Variants in TNKS2 observed in about 807,000 individuals in gnomAD.
TNKS2 encodes tankyrase 2, also known as poly [ADP-ribose] polymerase tankyrase-2.
In TNKS2, 72 loss-of-function variants were observed where a neutral mutation model predicts 137.6. The observed-to-expected ratio is 0.52, with a 90% CI of 0.43 to 0.64. The LOEUF (loss-of-function observed/expected upper bound fraction) is 0.64, where lower values mean the gene tolerates loss of function less well. TNKS2 is among the 30% of genes least tolerant of loss of function. The probability of loss-of-function intolerance (pLI) is 0.00; values close to 1 mark genes in which losing one functional copy is unlikely to be tolerated. For missense variants in TNKS2, 1,049 were observed against 1,410.2 expected (o/e 0.74, Z 4.10); for synonymous variants, 516 against 512.1 (o/e 1.01, Z -0.10).
chr10:91,849,514 C>T lies in TNKS2; in HGVS notation c.2614C>T (p.Pro872Ser), dbSNP rs1476394565. ...GASSLEKKEV[P>S]GVDFSITQFV... is the part of the protein sequence containing the mutation. ...TTTTGGATTTTTTTATTTCCCAGTT[C>T]CAGGAGTAGATTTTAGCATAACTCA... is the stretch of plus-strand genomic sequence containing the variant. Residue 872 changes from proline (P) to serine (S), a missense_variant and splice_region_variant, in exon 20 of 27, where the codon CCA becomes TCA. This residue lies in a region of TNKS2 where 208 missense variants were observed against 231.2 expected (regional missense o/e 0.90). Coordinates refer to ENST00000371627, the MANE Select transcript of TNKS2 (RefSeq NM_025235.4). The T allele has an allele frequency of 6.2e-7, 1 of 1,607,706 alleles. No individual in the cohort carries two copies. The highest frequency in any genetic ancestry group is 8.5e-7 in the Non-Finnish European group (1 of 1,177,998).
chr10:91,820,157 G>A (rs1290020200), intron 6 of TNKS2, 124 bp downstream of exon 6: 1 of 579,786 alleles, frequency 1.7e-6, no homozygotes, highest in Non-Finnish European at 2.7e-6. Context: ...CTTTTACAAT[G>A]TACAGGTTGC....
At chr10:91,818,845 G>A (rs1315452742) in intron 3 of TNKS2, among the ~76,000 whole-genome samples, 1 of 151,982 alleles carries the variant, frequency 6.6e-6, no homozygotes, top group Non-Finnish European at 1.5e-5. Flanking sequence ...TTTTAGGTTT[G>A]GAACAAAGTT....
At chr10:91,828,143 T>C (rs1363588083) in intron 8 of TNKS2, 142 bp from the exon 9 acceptor site, 1 of 919,256 alleles carries the variant, frequency 1.1e-6, no homozygotes, top group Non-Finnish European at 1.5e-6. Flanking sequence ...GGGGTTAAAT[T>C]TGGAGAATAT....
Position 91,863,582 on chromosome 10 carries a change from T to G in TNKS2, c.*583T>G, listed in dbSNP as rs1219562894. The G allele has an allele frequency of 6.6e-6, 1 of 152,328 alleles. No individual in the cohort carries two copies. Among genetic ancestry groups the G allele is most frequent in the South Asian group, 2.1e-4 (1 of 4,836 alleles). The allele number at this position is 152,328 out of a possible 1,614,324, so 9.4% of individuals were successfully genotyped here. The stretch of plus-strand genomic sequence containing the variant: ...TCCAGAGGCTATGTTCAGTTGTTAG[T>G]TGGGAAAGATTGAGTTATCAGATTT... On this transcript the variant is annotated 3_prime_UTR_variant, in exon 27 of 27. Coordinates refer to ENST00000371627, the MANE Select transcript of TNKS2 (RefSeq NM_025235.4).
chr10:91,831,492 C>A (rs1845244620), intron 11 of TNKS2, among the ~76,000 whole-genome samples: 1 of 152,038 alleles, frequency 6.6e-6, no homozygotes, highest in African/African-American at 2.4e-5. Context: ...CTTTTCTCAC[C>A]CATATCTTCT....
rs75407459 is a variant in TNKS2, at chr10:91,805,428, C to T, written c.199+6539C>T. 1.0e-3 allele frequency among the ~76,000 whole-genome samples: 156 copies of T among 152,282 alleles called. 5 individuals are homozygous for T. The East Asian group carries it at 0.024, about 24-fold the overall frequency. ...CTTTACCCATTCTACCCATATCGAT[C>T]GCCTCAGCTAAAACTTCAGTTTCAG... On this transcript the variant is annotated intron_variant, in intron 1 of 26. Coordinates refer to ENST00000371627, the MANE Select transcript of TNKS2 (RefSeq NM_025235.4).
chr10:91,862,231 G>T, intron 26 of TNKS2, 76 bp downstream of exon 26: 1 of 1,209,676 alleles, frequency 8.3e-7, no homozygotes. Flanking sequence ...CTCTTGAATT[G>T]ACAAGACATA....
At position 91,836,896 on chromosome 10, in the gene TNKS2, TTC is replaced by T. The variant is rs528388829; in HGVS notation, c.1448-9_1448-8del. 7,367 of 1,482,214 alleles carry T rather than the reference TTC, an allele frequency of 5.0e-3. 1 individual carries two copies. Among genetic ancestry groups the T allele is most frequent in the South Asian group, 0.013 (1,025 of 78,628 alleles). The allele number at this position is 1,482,214 out of a possible 1,614,324, so 91.8% of individuals were successfully genotyped here. On this transcript the variant is annotated intron_variant, in intron 12 of 26. Transcript: ENST00000371627. ...TCTTCCAAATAGAGGTTAGTCACTC[TTC>T]TCTCTCTCTCTCTTTTTTAGAGGGT...
intron 12 of TNKS2, among the ~76,000 whole-genome samples, chr10:91,836,065 G>T (rs181190240): frequency 9.2e-6 from 1 of 108,764 alleles, no homozygotes; most frequent in East Asian, 3.0e-4. Context: ...TTTTTGAGAC[G>T]AAGTTTCACT....
At position 91,851,311 on chromosome 10, in the gene TNKS2, C is replaced by G; in HGVS notation, c.2790C>G (p.Val930=). The change falls in exon 21 of 27, where the codon GTC becomes GTG. Residue 930 remains valine (V), a synonymous_variant. Transcript: ENST00000371627. ...ATAGGCACAAACTAATTAAAGGAGT[C>G]GAGAGACTTATCTCCGGACAACAAG... ...YGHRHKLIKG[V]ERLISGQQGL... 4 of 1,607,724 alleles carry G rather than the reference C, an allele frequency of 2.5e-6. No individual in the cohort carries two copies. Among genetic ancestry groups the G allele is most frequent in the South Asian group, 2.2e-5 (2 of 89,062 alleles).
chr10:91,852,739 G>A (rs1842585611), intron 21 of TNKS2, among the ~76,000 whole-genome samples: 1 of 152,210 alleles, frequency 6.6e-6, no homozygotes, highest in Admixed American at 6.5e-5. Context: ...TTTCAGGGAA[G>A]AATGTATGCT....
intron 1 of TNKS2, among the ~76,000 whole-genome samples, chr10:91,808,048 A>G (rs1844387307): frequency 6.6e-6 from 1 of 151,438 alleles, no homozygotes; most frequent in African/African-American, 2.4e-5. Context: ...ACAAATTTTA[A>G]TAAGTGACAA....
chr10:91,858,334 T>C (rs2133683303), intron 24 of TNKS2, among the ~76,000 whole-genome samples: 1 of 152,312 alleles, frequency 6.6e-6, no homozygotes, highest in East Asian at 1.9e-4. Flanking sequence ...ATCATGATAA[T>C]CTCTTGACAC....
At position 91,838,745 on chromosome 10, in the gene TNKS2, C is replaced by A. The variant is rs560933492; in HGVS notation, c.1527+1747C>A. ...GCTTTTTACCAGGACAATGATTAAA[C>A]CCCTTGAGGTAAACCCACTGATAGT... On this transcript the variant is annotated intron_variant, in intron 13 of 26. Coordinates refer to ENST00000371627, the MANE Select transcript of TNKS2 (RefSeq NM_025235.4). Among the ~76,000 whole-genome samples the A allele has an allele frequency of 4.6e-5, 7 of 152,276 alleles. No homozygotes were observed. The South Asian group carries it at 1.4e-3, about 32-fold the overall frequency.
At chr10:91,829,066 A>C (rs1301171550) in intron 9 of TNKS2, among the ~76,000 whole-genome samples, 1 of 152,176 alleles carries the variant, frequency 6.6e-6, no homozygotes, top group African/African-American at 2.4e-5. Flanking sequence ...AAGAAAGTAA[A>C]TCCTGTTGCG....
rs74151744 is a variant in TNKS2 at position 91,824,898 on chromosome 10, A to G, written c.796-2119A>G. Among the ~76,000 whole-genome samples the G allele has an allele frequency of 3.6e-3, 544 of 152,306 alleles. 2 individuals carry two copies. The highest frequency in any genetic ancestry group is 0.012 in the African/African-American group (502 of 41,556). The stretch of plus-strand genomic sequence containing the variant: ...TTACTTCTTGTTTAAACAATAATAC[A>G]GAGTTTTTAAATGACCCATTAACTC... On this transcript the variant is annotated intron_variant, in intron 7 of 26. Transcript: ENST00000371627.
At chr10:91,858,737 G>A (rs1208081378) in intron 24 of TNKS2, among the ~76,000 whole-genome samples, 2 of 152,180 alleles carry the variant, frequency 1.3e-5, no homozygotes, top group African/African-American at 2.4e-5. Flanking sequence ...GGCCGGGTGC[G>A]GTGGCTCACG....
rs148615376 is a variant in TNKS2 at position 91,829,708 on chromosome 10, T to C, written c.1105-1215T>C. 5.2e-3 allele frequency among the ~76,000 whole-genome samples: 789 copies of C among 152,322 alleles called. 16 individuals are homozygous for C. Among genetic ancestry groups the C allele is most frequent in the Admixed American group, 0.043 (650 of 15,292 alleles). On this transcript the variant is annotated intron_variant, in intron 9 of 26. Coordinates refer to ENST00000371627, the MANE Select transcript of TNKS2 (RefSeq NM_025235.4). Reference sequence around the variant, plus strand: ...GTTTTATTTAGAGTAAAGGAATGATTTTGGTGACAGCAACATCAAAGAATG... The same window carrying C: ...GTTTTATTTAGAGTAAAGGAATGATCTTGGTGACAGCAACATCAAAGAATG...
chr10:91,830,796 C>T (rs952538606), intron 9 of TNKS2, 127 bp from the exon 10 acceptor site: 11 of 807,290 alleles, frequency 1.4e-5, no homozygotes, highest in Non-Finnish European at 1.9e-5. Context: ...AAGTCAAGAG[C>T]AAAGTTGCGT....
Sources: allele counts gnomAD v4.1 joint callset (sites outside exome capture counted in the v4.1 genomes callset), GRCh38; gene constraint gnomAD v4.1.1; regional missense constraint gnomAD v4.1.1; transcripts MANE v1.5; gene names NCBI Gene and HGNC (gene_info 2026-07-23, HGNC 2026-07-21).